The following USP8 variants were observed in gnomAD, a reference collection of about 807,000 sequenced individuals.
The protein encoded by USP8 is ubiquitin specific peptidase 8.
In USP8, 27 loss-of-function variants were observed where a neutral mutation model predicts 130.0. That is an observed-to-expected ratio of 0.21 (90% CI 0.15 to 0.29). The LOEUF is 0.29. Among genes scored for constraint, USP8 ranks in the 10% least tolerant of loss-of-function variants. USP8 has a pLI of 1.00. For missense variants in USP8, 1,029 were observed against 1,312.2 expected (o/e 0.78, Z 3.33); for synonymous variants, 392 against 444.1 (o/e 0.88, Z 1.48).
intron 5 of USP8, among the ~76,000 whole-genome samples, chr15:50,459,489 TAGG>T (rs1050522259): frequency 2.6e-5 from 4 of 151,986 alleles, no homozygotes; most frequent in African/African-American, 7.2e-5. Context: ...GAGGCTAAAG[TAGG>T]AGAATTGCTT....
At chr15:50,493,122 C>T (rs2052242000) in intron 15 of USP8, 3 of 643,806 alleles carry the variant, frequency 4.7e-6, no homozygotes, top group Non-Finnish European at 2.8e-6. Flanking sequence ...GCTGCATCCT[C>T]ACAGGGTAGA....
In USP8 at chr15:50,500,755, T is replaced by A; in HGVS notation, c.*1667T>A. 6.3e-7 allele frequency: 1 copy of A among 1,579,552 alleles called. No individual in the cohort carries two copies. ...ATCTGGAATCTCACTGACTCGTGTGTTATCAAAGCTATATCAGGCCTGGGT... is the reference window on the plus strand; with the variant it reads ...ATCTGGAATCTCACTGACTCGTGTGATATCAAAGCTATATCAGGCCTGGGT... On this transcript the variant is annotated 3_prime_UTR_variant, in exon 20 of 20. Coordinates refer to ENST00000307179, the MANE Select transcript of USP8 (RefSeq NM_005154.5).
Position 50,489,781 on chromosome 15 carries a change from T to G in USP8, c.1891-20T>G. 1 of 1,418,502 alleles carries G rather than the reference T, an allele frequency of 7.0e-7. No homozygotes were observed. The highest frequency in any genetic ancestry group is 2.7e-5 in the East Asian group (1 of 37,368). The allele number at this position is 1,418,502 out of a possible 1,614,324, so 87.9% of individuals were successfully genotyped here. On this transcript the variant is annotated intron_variant, in intron 12 of 19. Coordinates refer to ENST00000307179, the MANE Select transcript of USP8 (RefSeq NM_005154.5). ...TTAAAAAAAATTTTTTTTTAATTTT[T>G]TTTATTTTATTTTAATTAGGCTCAA...
intron 1 of USP8, among the ~76,000 whole-genome samples, chr15:50,437,777 T>C (rs2050132684): frequency 1.3e-5 from 2 of 152,252 alleles, no homozygotes; most frequent in African/African-American, 4.8e-5. Context: ...ATATTTGATA[T>C]CAGTTGATCC....
At position 50,499,075 on chromosome 15, in the gene USP8, A is replaced by T. The variant is rs1194842774; in HGVS notation, c.3344A>T (p.Asp1115Val). The change falls in exon 20 of 20, where the codon GAT becomes GTT. Residue 1115 changes from aspartate (D) to valine (V), a missense_variant. Physicochemically the swap from Asp to Val is radical, Grantham distance 152 (BLOSUM62 -3). Transcript: ENST00000307179. ...ACTTCATTGGGACCACGAGTAACTG[A>T]TGTAGCCACATAAGGAGACATAGGT... ...FYTSLGPRVT[D>V]VAT The T allele has an allele frequency of 6.2e-7, 1 of 1,607,886 alleles. No individual in the cohort carries two copies. The highest frequency in any genetic ancestry group is 8.5e-7 in the Non-Finnish European group (1 of 1,177,078).
chr15:50,438,248 G>T lies in USP8; in HGVS notation c.-65-761G>T, dbSNP rs867404246. 2.6e-5 allele frequency among the ~76,000 whole-genome samples: 4 copies of T among 152,178 alleles called. No individual in the cohort carries two copies. The South Asian group carries it at 8.3e-4, about 32-fold the overall frequency. On this transcript the variant is annotated intron_variant, in intron 1 of 19. Coordinates refer to ENST00000307179, the MANE Select transcript of USP8 (RefSeq NM_005154.5). ...ATTAGATGTTCATTGATGTCCATTT[G>T]TTTAATGATAGTGAACTGGTAGAAT...
Position 50,460,983 on chromosome 15 carries a change from C to G in USP8, c.499-1297C>G, listed in dbSNP as rs551442867. ...ACCAGCCTGGGCAACATGGAAAAAC[C>G]CTGTCTCTACAAACTTTTTTTTTTT... is the stretch of plus-strand genomic sequence containing the variant. On this transcript the variant is annotated intron_variant, in intron 5 of 19. Transcript: ENST00000307179. Among the ~76,000 whole-genome samples the G allele has an allele frequency of 2.6e-5, 4 of 151,876 alleles. No individual in the cohort carries two copies. The South Asian group carries it at 8.3e-4, about 32-fold the overall frequency.
intron 1 of USP8, 93 bp from the exon 2 acceptor site, chr15:50,438,916 A>G: frequency 3.9e-6 from 2 of 515,386 alleles, no homozygotes; most frequent in Non-Finnish European, 6.7e-6. Flanking sequence ...CCCTGTTAGC[A>G]AAGGATATGG....
intron 8 of USP8, 32 bp from the exon 9 acceptor site, chr15:50,476,817 C>A: frequency 1.3e-6 from 2 of 1,526,200 alleles, no homozygotes; most frequent in Non-Finnish European, 1.7e-6. Flanking sequence ...AAGATTGCTG[C>A]CCTATTTAAA....
chr15:50,483,558 G>A lies in USP8; in HGVS notation c.1804-717G>A, dbSNP rs1413937227. ...GCCTATAATCCCAGCACTTTGGGAG[G>A]CCTAGACGAGCGGATCACTTGGTCA... is the stretch of plus-strand genomic sequence containing the variant. On this transcript the variant is annotated intron_variant, in intron 11 of 19. Transcript: ENST00000307179. 2.0e-5 allele frequency among the ~76,000 whole-genome samples: 3 copies of A among 152,318 alleles called. No individual in the cohort carries two copies. In the Middle Eastern group the frequency reaches 0.01, roughly 518 times the overall value.
chr15:50,448,232 A>T (rs1357445493), intron 3 of USP8, among the ~76,000 whole-genome samples: 1 of 152,114 alleles, frequency 6.6e-6, no homozygotes, highest in Non-Finnish European at 1.5e-5. Context: ...ACAAATTATG[A>T]TTATTATAAT....
At chr15:50,475,670 T>C (rs2051543948) in intron 8 of USP8, among the ~76,000 whole-genome samples, 1 of 152,160 alleles carries the variant, frequency 6.6e-6, no homozygotes, top group Non-Finnish European at 1.5e-5. Flanking sequence ...TGGCGCTATC[T>C]TGGCTCACTG....
intron 4 of USP8, among the ~76,000 whole-genome samples, chr15:50,457,707 A>G (rs2050836738): frequency 6.6e-6 from 1 of 151,670 alleles, no homozygotes; most frequent in South Asian, 2.1e-4. Flanking sequence ...CTAAAAATAC[A>G]CAAATTAGCC....
intron 6 of USP8, among the ~76,000 whole-genome samples, chr15:50,464,448 CTTTAT>C (rs1197011300): frequency 6.6e-6 from 1 of 152,060 alleles, no homozygotes; most frequent in African/African-American, 2.4e-5. Flanking sequence ...TATTAATGTT[CTTTAT>C]TTTATGTTGG....
In USP8 at chr15:50,489,790, A is replaced by G. The variant is rs1003205178; in HGVS notation, c.1891-11A>G. 1.4e-6 allele frequency: 2 copies of G among 1,463,820 alleles called. No individual in the cohort carries two copies. The highest frequency in any genetic ancestry group is 2.5e-5 in the East Asian group (1 of 40,030). The allele number at this position is 1,463,820 out of a possible 1,614,324, so 90.7% of individuals were successfully genotyped here. ...ATTTTTTTTTAATTTTTTTTATTTT[A>G]TTTTAATTAGGCTCAACGAGAACCT... On this transcript the variant is annotated splice_polypyrimidine_tract_variant and intron_variant, in intron 12 of 19. Coordinates refer to ENST00000307179, the MANE Select transcript of USP8 (RefSeq NM_005154.5).
rs2052544156 is a variant in USP8, at chr15:50,499,715, T to TTAA, written c.*629_*631dup. 2 of 152,276 alleles carry TTAA rather than the reference T, an allele frequency of 1.3e-5. No individual in the cohort carries two copies. The highest frequency in any genetic ancestry group is 4.1e-4 in the South Asian group (2 of 4,822). 9.4% of individuals were successfully genotyped at this position (152,276 alleles called of 1,614,324 possible). A position where few individuals can be genotyped will look rare whatever the true frequency, so the allele number is the denominator to read the frequency against. ...TATTCTAAAAAAAAAAATGGAAACT[T>TTAA]TAATTTTTTTAAAACGAGAATTTCA... On this transcript the variant is annotated 3_prime_UTR_variant, in exon 20 of 20. Transcript: ENST00000307179.
At chr15:50,489,624 A>C in intron 12 of USP8, 177 bp from the exon 13 acceptor site, 1 of 341,714 alleles carries the variant, frequency 2.9e-6, no homozygotes, top group Non-Finnish European at 5.3e-6. Flanking sequence ...TTGTACTTTG[A>C]GAAAAAGATA....
intron 6 of USP8, among the ~76,000 whole-genome samples, chr15:50,464,822 C>G (rs1347568723): frequency 6.6e-6 from 1 of 152,136 alleles, no homozygotes; most frequent in Admixed American, 6.5e-5. Flanking sequence ...CCACTGCACT[C>G]CAGCCTGGGT....
rs760591347 is a variant in USP8 at position 50,441,397 on chromosome 15, A to G, written c.153A>G (p.Arg51=). The change falls in exon 3 of 20, where the codon AGA becomes AGG. Residue 51 remains arginine (R), a synonymous_variant. Coordinates refer to ENST00000307179, the MANE Select transcript of USP8 (RefSeq NM_005154.5). ...LKIFKTAEEC[R]LDRDEERAYV... ...TCTTTAAGACAGCAGAAGAATGCAG[A>G]TTAGATCGTGATGAGGAAAGGGCCT... 1.9e-6 allele frequency: 3 copies of G among 1,610,318 alleles called. No individual in the cohort carries two copies. The highest frequency in any genetic ancestry group is 2.7e-5 in the African/African-American group (2 of 74,760).
Sources: allele counts gnomAD v4.1 joint callset (sites outside exome capture counted in the v4.1 genomes callset), GRCh38; gene constraint gnomAD v4.1.1; transcripts MANE v1.5; gene names NCBI Gene and HGNC (gene_info 2026-07-23, HGNC 2026-07-21).